Variants in ADK observed in about 807,000 individuals in gnomAD.
The protein encoded by ADK is adenosine kinase.
Under a neutral mutation model 44.7 loss-of-function variants are expected in ADK, and 24 were observed. The observed-to-expected ratio is 0.54, with a 90% CI of 0.39 to 0.76. ADK has a LOEUF of 0.76. ADK is among the 30% of genes least tolerant of loss of function. The probability of loss-of-function intolerance (pLI) is 0.00; values close to 1 mark genes in which losing one functional copy is unlikely to be tolerated. For synonymous variants in ADK, 128 were observed against 142.6 expected, an observed-to-expected ratio of 0.90 and a Z score of 0.73; for missense variants, 321 against 425.1, an observed-to-expected ratio of 0.76 and a Z score of 2.15.
intron 4 of ADK, among the ~76,000 whole-genome samples, chr10:74,352,607 C>T (rs7923626): frequency 3.9e-5 from 6 of 152,010 alleles, no homozygotes; most frequent in Non-Finnish European, 5.9e-5. Flanking sequence ...TTCTACACAG[C>T]GAAAGAAACT....
chr10:74,292,787 G>A (rs1839667225), intron 3 of ADK, among the ~76,000 whole-genome samples: 1 of 152,040 alleles, frequency 6.6e-6, no homozygotes, highest in South Asian at 2.1e-4. Flanking sequence ...AAAGTCATCT[G>A]TACCCCCACC....
chr10:74,175,505 C>A (rs1842300506), intron 1 of ADK, among the ~76,000 whole-genome samples: 1 of 152,068 alleles, frequency 6.6e-6, no homozygotes, highest in South Asian at 2.1e-4. Flanking sequence ...GTTCTTCAGT[C>A]CCATCAGCCA....
chr10:74,675,046 G>A (rs143379080), intron 10 of ADK, among the ~76,000 whole-genome samples: 4 of 152,120 alleles, frequency 2.6e-5, no homozygotes, highest in African/African-American at 9.6e-5. Context: ...TTCTATATTT[G>A]GATGGTTAAT....
chr10:74,559,115 G>A (rs567824855), intron 7 of ADK, among the ~76,000 whole-genome samples: 2 of 152,296 alleles, frequency 1.3e-5, no homozygotes, highest in East Asian at 3.9e-4. Context: ...CATGCTCTGG[G>A]CTTCCCTGGA....
intron 9 of ADK, among the ~76,000 whole-genome samples, chr10:74,615,375 T>C (rs1852712882): frequency 6.6e-6 from 1 of 152,192 alleles, no homozygotes; most frequent in Non-Finnish European, 1.5e-5. Flanking sequence ...ATTTTCTCAA[T>C]AAAATTCACT....
chr10:74,314,836 C>A, intron 4 of ADK, 91 bp downstream of exon 4: 3 of 970,874 alleles, frequency 3.1e-6, no homozygotes, highest in Non-Finnish European at 4.9e-6. Context: ...TATTGTGTTG[C>A]TGTAGAATAG....
rs560954341 is a variant in ADK, at chr10:74,472,622, T to G, written c.556-52634T>G. ...TAAGACCTAGAAATGCATTGTCGTC[T>G]GGTAGCTACTAGCTACATGTGGCTC... is the stretch of plus-strand genomic sequence containing the variant. On this transcript the variant is annotated intron_variant, in intron 6 of 10. Coordinates refer to ENST00000539909, the MANE Select transcript of ADK (RefSeq NM_006721.4). Among the ~76,000 whole-genome samples, 46 of 152,338 alleles carry G rather than the reference T, an allele frequency of 3.0e-4. No homozygotes were observed. In the South Asian group the frequency reaches 8.9e-3, roughly 29 times the overall value.
chr10:74,274,813 G>T (rs1177661838), intron 3 of ADK, among the ~76,000 whole-genome samples: 1 of 145,648 alleles, frequency 6.9e-6, no homozygotes, highest in Non-Finnish European at 1.5e-5. Flanking sequence ...GCCCAGGCTG[G>T]TCTTGAACTC....
At chr10:74,226,570 T>C (rs1212582974) in intron 3 of ADK, among the ~76,000 whole-genome samples, 2 of 152,210 alleles carry the variant, frequency 1.3e-5, no homozygotes, top group Admixed American at 6.5e-5. Context: ...TCGAAGTAAA[T>C]TGTAGACATC....
At chr10:74,160,688 GGGGT>G (rs903574826) in intron 1 of ADK, among the ~76,000 whole-genome samples, 28 of 139,256 alleles carry the variant, frequency 2.0e-4, no homozygotes, top group Non-Finnish European at 4.2e-4. Context: ...CATGCAGGTA[GGGGT>G]GTGTGTGTGT....
intron 3 of ADK, among the ~76,000 whole-genome samples, chr10:74,303,268 G>A (rs1318964648): frequency 3.3e-5 from 5 of 152,026 alleles, no homozygotes; most frequent in Non-Finnish European, 7.4e-5. Flanking sequence ...AAAATTGAAC[G>A]CTAGTCTATA....
chr10:74,301,027 C>T (rs546670216), intron 3 of ADK, among the ~76,000 whole-genome samples: 1 of 152,048 alleles, frequency 6.6e-6, no homozygotes, highest in Non-Finnish European at 1.5e-5. Context: ...GGGGAAATAT[C>T]AAGAAAAAGC....
intron 3 of ADK, among the ~76,000 whole-genome samples, chr10:74,252,882 C>A (rs1009918414): frequency 6.6e-6 from 1 of 152,146 alleles, no homozygotes; most frequent in African/African-American, 2.4e-5. Flanking sequence ...CTGTATCATA[C>A]CCTCATATTG....
At chr10:74,698,231 G>A (rs1182103603) in intron 10 of ADK, among the ~76,000 whole-genome samples, 1 of 151,106 alleles carries the variant, frequency 6.6e-6, no homozygotes, top group Admixed American at 6.6e-5. Flanking sequence ...ATAGAGAGAA[G>A]GAACCAAAGT....
intron 1 of ADK, among the ~76,000 whole-genome samples, chr10:74,167,802 AC>A (rs1842069417): frequency 1.3e-5 from 2 of 152,254 alleles, no homozygotes; most frequent in Admixed American, 1.3e-4. Context: ...TAAGTCTGCC[AC>A]AATTATGTAA....
Position 74,346,523 on chromosome 10 carries a change from A to G in ADK, c.273+31778A>G, listed in dbSNP as rs901663172. On this transcript the variant is annotated intron_variant, in intron 4 of 10. Coordinates refer to ENST00000539909, the MANE Select transcript of ADK (RefSeq NM_006721.4). Reference sequence around the variant, plus strand: ...TATAAATTTTAAAACCAGAAAGACAACACTAGAATCAATTAAATGCAAGAT... The same window carrying G: ...TATAAATTTTAAAACCAGAAAGACAGCACTAGAATCAATTAAATGCAAGAT... Among the ~76,000 whole-genome samples the G allele has an allele frequency of 3.3e-4, 50 of 152,250 alleles. 2 individuals carry two copies. Among genetic ancestry groups the G allele is most frequent in the Non-Finnish European group, 1.5e-5 (1 of 68,040 alleles).
chr10:74,613,831 A>T (rs920385632), intron 9 of ADK, among the ~76,000 whole-genome samples: 1 of 152,134 alleles, frequency 6.6e-6, no homozygotes, highest in African/African-American at 2.4e-5. Context: ...AATATAAATC[A>T]TTTTGAAAAT....
chr10:74,284,507 G>A (rs1847082212), intron 3 of ADK, among the ~76,000 whole-genome samples: 1 of 152,136 alleles, frequency 6.6e-6, no homozygotes, highest in Non-Finnish European at 1.5e-5. Flanking sequence ...CAGATGATCT[G>A]TCTGCTTCGG....
chr10:74,379,922 G>A (rs1842927184), intron 4 of ADK, among the ~76,000 whole-genome samples: 1 of 152,100 alleles, frequency 6.6e-6, no homozygotes, highest in Non-Finnish European at 1.5e-5. Flanking sequence ...TACACAGGAG[G>A]CTGAGGCAGG....
Sources: gnomAD v4.1 joint callset for allele counts (sites outside exome capture counted in the v4.1 genomes callset) on GRCh38, gnomAD v4.1.1 for gene constraint, MANE v1.5 for transcripts, NCBI Gene and HGNC (gene_info 2026-07-23, HGNC 2026-07-21) for gene names.